The following MGA variants were observed in gnomAD, a reference collection of about 807,000 sequenced individuals.
The protein encoded by MGA is MAX dimerization protein MGA.
A neutral mutation model predicts 261.1 loss-of-function variants in MGA; 40 were observed. The observed-to-expected ratio is 0.15, with a 90% CI of 0.12 to 0.20. MGA has a LOEUF of 0.20. Among genes scored for constraint, MGA ranks in the 10% least tolerant of loss-of-function variants. The pLI is 1.00. For synonymous variants in MGA, 1,302 were observed against 1,290.6 expected, an observed-to-expected ratio of 1.01 and a Z score of -0.19; for missense variants, 3,397 against 3,630.5, an observed-to-expected ratio of 0.94 and a Z score of 1.65.
At chr15:41,659,548 G>A (rs1374576674), upstream of MGA, among the ~76,000 whole-genome samples, 5 of 152,222 alleles carry the variant, frequency 3.3e-5, no homozygotes, top group Admixed American at 3.3e-4. Flanking sequence ...AGCTGGTAAG[G>A]AGTAGAGAAG....
chr15:41,654,884 C>T (rs2057132582), intron 1 of MGA, among the ~76,000 whole-genome samples: 1 of 152,126 alleles, frequency 6.6e-6, no homozygotes, highest in South Asian at 2.1e-4. Flanking sequence ...AATATATTTG[C>T]TATTTTTTCT....
intron 5 of MGA, among the ~76,000 whole-genome samples, chr15:41,704,767 C>T (rs2060023922): frequency 6.6e-6 from 1 of 152,160 alleles, no homozygotes; most frequent in Non-Finnish European, 1.5e-5. Context: ...GAACTATAAA[C>T]ATCTTGAGTG....
chr15:41,639,828 G>A (rs1030014714), intron 1 of MGA, among the ~76,000 whole-genome samples: 1 of 152,112 alleles, frequency 6.6e-6, no homozygotes, highest in Non-Finnish European at 1.5e-5. Context: ...GATTACAGGC[G>A]TGAGCCACCG....
intron 2 of MGA, among the ~76,000 whole-genome samples, chr15:41,686,476 C>T (rs1215199998): frequency 6.6e-6 from 1 of 152,086 alleles, no homozygotes; most frequent in African/African-American, 2.4e-5. Flanking sequence ...GTTGAGGTTG[C>T]AGTGAGCCAT....
chr15:41,727,869 G>A (rs1195643907), intron 10 of MGA, among the ~76,000 whole-genome samples: 2 of 152,198 alleles, frequency 1.3e-5, no homozygotes, highest in Non-Finnish European at 2.9e-5. Context: ...GTAGGTAAAA[G>A]TAGGAAGTTA....
chr15:41,655,943 A>AAT (rs2057158912), upstream of MGA, among the ~76,000 whole-genome samples: 1 of 152,226 alleles, frequency 6.6e-6, no homozygotes. Flanking sequence ...TTGCCTAAAA[A>AAT]ATGAGGATCT....
chr15:41,651,708 TCTTAC>T (rs2057057732), intron 1 of MGA, among the ~76,000 whole-genome samples: 2 of 22,196 alleles, frequency 9.0e-5, no homozygotes, highest in Admixed American at 6.1e-4. Context: ...CCTTCCCCTC[TCTTAC>T]CCCTTCCCCT....
intron 1 of MGA, among the ~76,000 whole-genome samples, chr15:41,647,942 T>A (rs2056966701): frequency 6.6e-6 from 1 of 152,210 alleles, no homozygotes; most frequent in South Asian, 2.1e-4. Context: ...CTCCATGGAT[T>A]CCCTGTGGTA....
At position 41,700,211 on chromosome 15, in the gene MGA, A is replaced by AT. The variant is rs537571789; in HGVS notation, c.2188+1060dup. Reference sequence around the variant, plus strand: ...AGGCGCCTGCTACCATGCCCGGCTAATTTTTTTTGTATTTTTAGTAGAGAC... The same window carrying AT: ...AGGCGCCTGCTACCATGCCCGGCTAATTTTTTTTTGTATTTTTAGTAGAGAC... On this transcript the variant is annotated intron_variant, in intron 5 of 23. Coordinates refer to ENST00000219905, the MANE Select transcript of MGA (RefSeq NM_001164273.2). Among the ~76,000 whole-genome samples, 955 of 151,428 alleles carry AT rather than the reference A, an allele frequency of 6.3e-3. 13 individuals carry two copies. The highest frequency in any genetic ancestry group is 0.022 in the African/African-American group (917 of 41,272).
At chr15:41,673,822 C>T (rs1212945915) in intron 2 of MGA, among the ~76,000 whole-genome samples, 1 of 152,026 alleles carries the variant, frequency 6.6e-6, no homozygotes, top group Non-Finnish European at 1.5e-5. Flanking sequence ...GAATTACAGG[C>T]GTGAGCTACC....
intron 1 of MGA, among the ~76,000 whole-genome samples, chr15:41,649,445 C>T (rs1054027267): frequency 1.2e-4 from 18 of 150,226 alleles, no homozygotes; most frequent in African/African-American, 4.4e-4. Context: ...AGAGAGAAGA[C>T]AATTATACAA....
intron 3 of MGA, 87 bp from the exon 4 acceptor site, chr15:41,698,775 TG>T: frequency 2.0e-6 from 2 of 993,658 alleles, no homozygotes; most frequent in Non-Finnish European, 1.5e-6. Flanking sequence ...ATTTTCCTTC[TG>T]GTCTTTAAGT....
At chr15:41,729,070 T>G in intron 10 of MGA, 94 bp from the exon 11 acceptor site, 1 of 1,307,186 alleles carries the variant, frequency 7.7e-7, no homozygotes, top group Non-Finnish European at 1.1e-6. Context: ...TTTCGACTGT[T>G]GTAATACAAA....
chr15:41,673,618 A>T (rs1037313858), intron 2 of MGA, among the ~76,000 whole-genome samples: 1 of 124,286 alleles, frequency 8.0e-6, no homozygotes, highest in Admixed American at 8.2e-5. Flanking sequence ...TCTCGGTTCA[A>T]TGCAACCTCT....
chr15:41,715,557 T>G (rs1180429661), intron 9 of MGA, among the ~76,000 whole-genome samples: 1 of 152,186 alleles, frequency 6.6e-6, no homozygotes, highest in Non-Finnish European at 1.5e-5. Flanking sequence ...TGATGTGGGA[T>G]TTGTAGTAGG....
chr15:41,685,248 A>G (rs927225601), intron 2 of MGA, among the ~76,000 whole-genome samples: 1 of 152,228 alleles, frequency 6.6e-6, no homozygotes, highest in Non-Finnish European at 1.5e-5. Flanking sequence ...ATTGTTGCTT[A>G]GGAAAATCAG....
chr15:41,710,397 A>C (rs552655236), intron 7 of MGA, among the ~76,000 whole-genome samples: 2 of 152,042 alleles, frequency 1.3e-5, no homozygotes, highest in African/African-American at 4.8e-5. Context: ...CTTTCTGAGG[A>C]GGGATAGTTT....
chr15:41,739,832 A>T (rs765530154), intron 13 of MGA, 74 bp from the exon 14 acceptor site: 79 of 1,404,418 alleles, frequency 5.6e-5, no homozygotes, highest in Middle Eastern at 1.9e-4. Flanking sequence ...TGTAAAAATG[A>T]AGCCCCTGTC....
At position 41,696,219 on chromosome 15, in the gene MGA, A is replaced by G; in HGVS notation, c.1209A>G (p.Lys403=). ...AGTGCCCAGAAGGGGTCACTGTGAA[A>G]CAGGAAGAGACAGATGAAGAGACGG... The change falls in exon 3 of 24, where the codon AAA becomes AAG. Residue 403 remains lysine (K), a synonymous_variant. Transcript: ENST00000219905. The G allele has an allele frequency of 6.2e-6, 10 of 1,613,992 alleles. No homozygotes were observed. The highest frequency in any genetic ancestry group is 8.5e-6 in the Non-Finnish European group (10 of 1,179,892).
Sources: allele counts gnomAD v4.1 joint callset (sites outside exome capture counted in the v4.1 genomes callset), GRCh38; gene constraint gnomAD v4.1.1; transcripts MANE v1.5; gene names NCBI Gene and HGNC (gene_info 2026-07-23, HGNC 2026-07-21).